Variants in NAALADL2 observed in about 807,000 individuals in gnomAD.
NAALADL2 encodes inactive N-acetylated-alpha-linked acidic dipeptidase-like protein 2.
NAALADL2 carries 76 observed loss-of-function variants against 87.2 expected under a neutral mutation model. The observed-to-expected ratio is 0.87, with a 90% CI of 0.72 to 1.05. The LOEUF is 1.05. Ranked by LOEUF, NAALADL2 falls within the 50% of genes least tolerant of loss-of-function variation. The pLI is 0.00. For missense variants in NAALADL2, 1,089 were observed against 945.8 expected, an observed-to-expected ratio of 1.15 and a Z score of -1.99; for synonymous variants, 354 against 331.0, an observed-to-expected ratio of 1.07 and a Z score of -0.75.
At chr3:174,758,769 G>A (rs1712481132) in intron 3 of NAALADL2, among the ~76,000 whole-genome samples, 1 of 152,160 alleles carries the variant, frequency 6.6e-6, no homozygotes, top group Non-Finnish European at 1.5e-5. Context: ...TAATGTGGAT[G>A]AATGTTCTTT....
chr3:175,256,036 C>T (rs1035280593), intron 3 of NAALADL2, among the ~76,000 whole-genome samples: 1 of 152,190 alleles, frequency 6.6e-6, no homozygotes, highest in African/African-American at 2.4e-5. Flanking sequence ...CAAGCCTGAG[C>T]ATTATATAAT....
intron 1 of NAALADL2, among the ~76,000 whole-genome samples, chr3:174,880,950 C>G (rs1275764872): frequency 6.6e-6 from 1 of 152,050 alleles, no homozygotes; most frequent in Non-Finnish European, 1.5e-5. Context: ...TGGCTTGAAG[C>G]TGAAGAACTC....
At chr3:174,854,972 G>A (rs1443542033), upstream of NAALADL2, among the ~76,000 whole-genome samples, 2 of 151,028 alleles carry the variant, frequency 1.3e-5, no homozygotes, top group Admixed American at 1.3e-4. Flanking sequence ...CAAGTAGCTG[G>A]GACTACAGAC....
intron 1 of NAALADL2, among the ~76,000 whole-genome samples, chr3:174,509,335 T>C (rs146387917): frequency 6.6e-5 from 10 of 151,754 alleles, no homozygotes; most frequent in Admixed American, 5.9e-4. Flanking sequence ...GCTTAAATAA[T>C]GGCAATTTAT....
intron 1 of NAALADL2, among the ~76,000 whole-genome samples, chr3:174,486,811 G>A (rs977426852): frequency 6.6e-6 from 1 of 151,948 alleles, no homozygotes; most frequent in African/African-American, 2.4e-5. Context: ...ACTTGTGGTG[G>A]ACATTAGATG....
At chr3:174,870,288 C>T (rs1407544677) in intron 1 of NAALADL2, among the ~76,000 whole-genome samples, 3 of 152,104 alleles carry the variant, frequency 2.0e-5, no homozygotes, top group Non-Finnish European at 4.4e-5. Context: ...ATTACCAACC[C>T]ATCCACCCTT....
chr3:175,689,167 G>A (rs1736709804), intron 11 of NAALADL2, among the ~76,000 whole-genome samples: 1 of 152,092 alleles, frequency 6.6e-6, no homozygotes, highest in Non-Finnish European at 1.5e-5. Context: ...GAAGACAAAA[G>A]AATAAATTAG....
chr3:174,990,387 C>T (rs560937271), intron 1 of NAALADL2, among the ~76,000 whole-genome samples: 11 of 151,998 alleles, frequency 7.2e-5, no homozygotes, highest in South Asian at 6.2e-4. Flanking sequence ...AATCCTGAGC[C>T]GAAAAAATGA....
chr3:175,108,057 G>A (rs545465317), intron 2 of NAALADL2, among the ~76,000 whole-genome samples: 1 of 151,916 alleles, frequency 6.6e-6, no homozygotes, highest in Admixed American at 6.6e-5. Flanking sequence ...TCTGTCTTCA[G>A]TAACTGATTG....
intron 1 of NAALADL2, among the ~76,000 whole-genome samples, chr3:174,500,755 G>T (rs1370661002): frequency 6.6e-6 from 1 of 151,952 alleles, no homozygotes; most frequent in African/African-American, 2.4e-5. Flanking sequence ...CTGTTATTAT[G>T]GTGAATTATA....
chr3:175,610,291 T>C (rs1490109966), intron 10 of NAALADL2, among the ~76,000 whole-genome samples: 1 of 152,190 alleles, frequency 6.6e-6, no homozygotes, highest in Non-Finnish European at 1.5e-5. Flanking sequence ...TTTATCTACA[T>C]TTCTGTGTGT....
At chr3:174,756,394 T>C (rs1326897186) in intron 3 of NAALADL2, among the ~76,000 whole-genome samples, 1 of 152,212 alleles carries the variant, frequency 6.6e-6, no homozygotes, top group Non-Finnish European at 1.5e-5. Flanking sequence ...GGCCAGGCAA[T>C]ATTCAGCTAT....
chr3:174,650,025 AG>A (rs1724193920), intron 2 of NAALADL2, among the ~76,000 whole-genome samples: 2 of 151,240 alleles, frequency 1.3e-5, no homozygotes, highest in African/African-American at 4.9e-5. Context: ...TTTCAATATA[AG>A]TGGCAAGTCA....
At chr3:175,124,923 T>C (rs1726714323) in intron 2 of NAALADL2, among the ~76,000 whole-genome samples, 1 of 151,942 alleles carries the variant, frequency 6.6e-6, no homozygotes, top group African/African-American at 2.4e-5. Context: ...AGTAGAGACA[T>C]GAGCACTAAA....
intron 1 of NAALADL2, among the ~76,000 whole-genome samples, chr3:175,040,929 T>G (rs1403704824): frequency 2.6e-5 from 4 of 152,174 alleles, no homozygotes; most frequent in Admixed American, 2.6e-4. Context: ...AGCAAGTAAC[T>G]GTAGACACGG....
intron 2 of NAALADL2, among the ~76,000 whole-genome samples, chr3:174,659,611 G>A (rs1293301947): frequency 1.3e-5 from 2 of 152,076 alleles, no homozygotes; most frequent in African/African-American, 4.8e-5. Context: ...TTAATGAACT[G>A]CATCTTCTGA....
intron 2 of NAALADL2, among the ~76,000 whole-genome samples, chr3:174,656,708 G>A (rs988356912): frequency 1.3e-5 from 2 of 152,158 alleles, no homozygotes; most frequent in African/African-American, 4.8e-5. Context: ...GCATCTGCTT[G>A]CTGTTTCCAT....
At chr3:174,656,735 T>C (rs978875770) in intron 2 of NAALADL2, among the ~76,000 whole-genome samples, 25 of 152,172 alleles carry the variant, frequency 1.6e-4, no homozygotes, top group Admixed American at 1.3e-3. Context: ...TTCTCTCCTC[T>C]GACCCCTCCT....
At chr3:175,387,667 T>A (rs1394798741) in intron 5 of NAALADL2, among the ~76,000 whole-genome samples, 1 of 152,106 alleles carries the variant, frequency 6.6e-6, no homozygotes, top group Non-Finnish European at 1.5e-5. Flanking sequence ...ATTTGTTGAA[T>A]ATACTAAAAG....
Sources: allele counts gnomAD v4.1 joint callset (sites outside exome capture counted in the v4.1 genomes callset), GRCh38; gene constraint gnomAD v4.1.1; transcripts MANE v1.5; gene names NCBI Gene and HGNC (gene_info 2026-07-23, HGNC 2026-07-21).